SYNE2: variants seen among roughly 807,000 people sequenced by gnomAD.
SYNE2 encodes the protein nesprin-2.
A neutral mutation model predicts 856.3 loss-of-function variants in SYNE2; 431 were observed. The observed-to-expected ratio is 0.50, with a 90% CI of 0.47 to 0.55. SYNE2 has a LOEUF of 0.55. SYNE2 is among the 20% of genes least tolerant of loss of function. SYNE2 has a pLI of 0.00. For missense variants in SYNE2, 8,129 were observed against 8,023.2 expected (o/e 1.01, Z -0.50); for synonymous variants, 2,923 against 2,872.3 (o/e 1.02, Z -0.56).
At position 64,076,025 on chromosome 14, in the gene SYNE2, G is replaced by C. The variant is rs772140514; in HGVS notation, c.10947G>C (p.Met3649Ile). 6.2e-7 allele frequency: 1 copy of C among 1,613,790 alleles called. No individual in the cohort carries two copies. ...AACTGCGAATCAAGTATTCCGAAAT[G>C]TACACCATAGTCCCTGCAGAGATTG... ...MEKLRIKYSEMYTIVPAEIES... is the reference protein window; with the variant it reads ...MEKLRIKYSEIYTIVPAEIES... Residue 3649 changes from methionine to isoleucine, a missense_variant, in exon 54 of 116, where the codon ATG becomes ATC. Physicochemically the swap from Met to Ile is conservative, Grantham distance 10 (BLOSUM62 1). Coordinates refer to ENST00000555002, the MANE Select transcript of SYNE2 (RefSeq NM_182914.3).
At chr14:64,171,095 T>C (rs1401212754) in intron 94 of SYNE2, among the ~76,000 whole-genome samples, 1 of 151,782 alleles carries the variant, frequency 6.6e-6, no homozygotes, top group African/African-American at 2.4e-5. Flanking sequence ...AAAACTGATT[T>C]AAAAAAAATA....
intron 99 of SYNE2, among the ~76,000 whole-genome samples, chr14:64,200,716 C>T (rs2139926602): frequency 6.6e-6 from 1 of 152,312 alleles, no homozygotes; most frequent in South Asian, 2.1e-4. Context: ...TGAAACTTAT[C>T]ACAACTGTAA....
chr14:64,165,148 A>G, intron 89 of SYNE2, 137 bp from the exon 90 acceptor site: 1 of 845,542 alleles, frequency 1.2e-6, no homozygotes, highest in East Asian at 2.6e-5. Flanking sequence ...CGGCCTCCCA[A>G]AGTGCTGGGA....
At chr14:63,880,637 G>T (rs938045063) in intron 1 of SYNE2, among the ~76,000 whole-genome samples, 4 of 147,058 alleles carry the variant, frequency 2.7e-5, no homozygotes, top group East Asian at 2.0e-4. Flanking sequence ...GTTGATCTTA[G>T]TATTTTCTTA....
At chr14:63,944,123 C>T (rs1266955295) in intron 6 of SYNE2, among the ~76,000 whole-genome samples, 1 of 150,524 alleles carries the variant, frequency 6.6e-6, no homozygotes, top group African/African-American at 2.4e-5. Flanking sequence ...TGTAATCTAC[C>T]ACTCACTATA....
Position 63,782,829 on chromosome 14 carries a change from T to A in SYNE2, c.-305+20843T>A, listed in dbSNP as rs141822431. Among the ~76,000 whole-genome samples, 239 of 152,106 alleles carry A rather than the reference T, an allele frequency of 1.6e-3. No individual in the cohort carries two copies. In the Middle Eastern group the frequency reaches 0.02, roughly 13 times the overall value. On this transcript the variant is annotated intron_variant, in intron 1 of 23. Coordinates refer to the SYNE2 transcript ENST00000674003. ...CCCATGAATTACTTAATATTAAAAT[T>A]ACAAATATATAAAATCAATTATTTG...
chr14:64,215,863 G>T, intron 107 of SYNE2: 1 of 1,033,088 alleles, frequency 9.7e-7, no homozygotes, highest in Non-Finnish European at 1.3e-6. Context: ...GTCGGGGAGA[G>T]CCCTGAGGAG....
In SYNE2 at chr14:64,061,134, G is replaced by A. The variant is rs527924694; in HGVS notation, c.10068-1617G>A. Among the ~76,000 whole-genome samples, 176 of 152,292 alleles carry A rather than the reference G, an allele frequency of 1.2e-3. 1 individual carries two copies. The highest frequency in any genetic ancestry group is 4.0e-3 in the African/African-American group (167 of 41,556). On this transcript the variant is annotated intron_variant, in intron 49 of 115. Coordinates refer to ENST00000555002, the MANE Select transcript of SYNE2 (RefSeq NM_182914.3). ...TTTTGGTTTTTATGAAGTTGCTTTTGTATGGAGATAGGTGTCAAATTCGGT... is the reference window on the plus strand; with the variant it reads ...TTTTGGTTTTTATGAAGTTGCTTTTATATGGAGATAGGTGTCAAATTCGGT...
chr14:63,947,066 T>C (rs1303123773), intron 6 of SYNE2, among the ~76,000 whole-genome samples: 1 of 152,174 alleles, frequency 6.6e-6, no homozygotes, highest in African/African-American at 2.4e-5. Flanking sequence ...GTCAGGCTGG[T>C]CTTGAATTCT....
chr14:63,827,906 T>A (rs1028602176), intron 1 of SYNE2, among the ~76,000 whole-genome samples: 2 of 151,198 alleles, frequency 1.3e-5, no homozygotes, highest in Admixed American at 1.3e-4. Flanking sequence ...ATTGAAAATA[T>A]TTGGGGCTGG....
intron 2 of SYNE2, among the ~76,000 whole-genome samples, chr14:63,918,703 A>T (rs994445563): frequency 9.9e-5 from 15 of 152,156 alleles, no homozygotes; most frequent in African/African-American, 3.4e-4. Flanking sequence ...CTGGTCGGGC[A>T]CTGGATTTTT....
intron 1 of SYNE2, among the ~76,000 whole-genome samples, chr14:63,815,947 T>TA (rs2139847564): frequency 6.7e-6 from 1 of 149,630 alleles, no homozygotes; most frequent in Admixed American, 6.8e-5. Flanking sequence ...ATTAAATTAT[T>TA]CTTTTTTTTT....
chr14:64,017,185 C>T (rs895750327), intron 33 of SYNE2, among the ~76,000 whole-genome samples: 9 of 151,594 alleles, frequency 5.9e-5, no homozygotes, highest in African/African-American at 1.7e-4. Flanking sequence ...AAATATTAGC[C>T]GGGCATGGTG....
chr14:63,860,545 G>A (rs1325683929), intron 1 of SYNE2, among the ~76,000 whole-genome samples: 3 of 152,196 alleles, frequency 2.0e-5, no homozygotes, highest in African/African-American at 7.2e-5. Context: ...GCTTGTCAGT[G>A]TCCATATTTG....
chr14:63,882,988 CTGT>C (rs1486655189), intron 1 of SYNE2, among the ~76,000 whole-genome samples: 4 of 115,494 alleles, frequency 3.5e-5, no homozygotes, highest in African/African-American at 5.7e-5. Context: ...AGTAAGCACT[CTGT>C]TTTTTTTTTT....
rs2097456190 is a variant in SYNE2 at position 64,076,089 on chromosome 14, A to G, written c.11011A>G (p.Ile3671Val). The stretch of plus-strand genomic sequence containing the variant: ...AGAATGCAGAAAAGCTTTAGAAGAC[A>G]TAGATGAGAAGGTAATAATAATGTC... ...VEECRKALED[I>V]DEKISNEVLK... The change falls in exon 54 of 116, where the codon ATA becomes GTA. Residue 3671 changes from isoleucine (I) to valine (V), a missense_variant. Ile to Val is a conservative substitution (Grantham distance 29). This residue lies in a region of SYNE2 where 5,410 missense variants were observed against 5,284.8 expected (regional missense o/e 1.02). Coordinates refer to ENST00000555002, the MANE Select transcript of SYNE2 (RefSeq NM_182914.3). 1 of 1,613,662 alleles carries G rather than the reference A, an allele frequency of 6.2e-7. No homozygotes were observed. The highest frequency in any genetic ancestry group is 8.5e-7 in the Non-Finnish European group (1 of 1,179,736).
chr14:63,811,068 C>G (rs1888597753), intron 1 of SYNE2, among the ~76,000 whole-genome samples: 1 of 152,156 alleles, frequency 6.6e-6, no homozygotes, highest in African/African-American at 2.4e-5. Context: ...ATCTCCTGAC[C>G]TCGTGATCCG....
chr14:64,189,402 AATG>A (rs1477254272), intron 98 of SYNE2, among the ~76,000 whole-genome samples: 1 of 152,040 alleles, frequency 6.6e-6, no homozygotes, highest in African/African-American at 2.4e-5. Context: ...ATAATTTTGA[AATG>A]ATCAGTGGTC....
intron 60 of SYNE2, among the ~76,000 whole-genome samples, chr14:64,092,535 A>G (rs2097632651): frequency 6.6e-6 from 1 of 152,242 alleles, no homozygotes; most frequent in African/African-American, 2.4e-5. Context: ...TTTCCAGCCT[A>G]TGGCTAAAAT....
Sources: allele counts gnomAD v4.1 joint callset (sites outside exome capture counted in the v4.1 genomes callset), GRCh38; gene constraint gnomAD v4.1.1; regional missense constraint gnomAD v4.1.1; transcripts MANE v1.5; gene names NCBI Gene and HGNC (gene_info 2026-07-23, HGNC 2026-07-21).